KCNJ6: variants seen among roughly 807,000 people sequenced by gnomAD.
KCNJ6 encodes G protein-activated inward rectifier potassium channel 2.
A neutral mutation model predicts 34.2 loss-of-function variants in KCNJ6; 9 were observed. The ratio of observed to expected loss-of-function variants is 0.26; its 90% CI spans 0.16 to 0.46. The LOEUF (loss-of-function observed/expected upper bound fraction) is 0.46, where lower values mean the gene tolerates loss of function less well. Ranked by LOEUF, KCNJ6 falls within the 20% of genes least tolerant of loss-of-function variation. The pLI, the probability that KCNJ6 is intolerant of heterozygous loss-of-function variation, is 1.00. For synonymous variants in KCNJ6, 196 were observed against 207.1 expected (o/e 0.95, Z 0.46); for missense variants, 236 against 531.3 (o/e 0.44, Z 5.46).
At chr21:37,811,637 C>G (rs2055323147) in intron 2 of KCNJ6, among the ~76,000 whole-genome samples, 1 of 152,080 alleles carries the variant, frequency 6.6e-6, no homozygotes, top group Non-Finnish European at 1.5e-5. Context: ...TTGTCTTGTT[C>G]ATACTAATTA....
At chr21:37,903,786 G>A (rs2123647771) in intron 1 of KCNJ6, among the ~76,000 whole-genome samples, 2 of 152,100 alleles carry the variant, frequency 1.3e-5, no homozygotes, top group East Asian at 3.9e-4. Context: ...TTCTTTACCT[G>A]AAGAAAGAAA....
At chr21:37,730,215 A>C (rs1466577760) in intron 2 of KCNJ6, among the ~76,000 whole-genome samples, 1 of 152,246 alleles carries the variant, frequency 6.6e-6, no homozygotes, top group Non-Finnish European at 1.5e-5. Context: ...AGGGACCCGC[A>C]GCCTTAAGTC....
In KCNJ6 at chr21:37,607,482, A is replaced by ATATATATATATT; in HGVS notation, c.*17676_*17677insAATATATATATA. On this transcript the variant is annotated 3_prime_UTR_variant, in exon 4 of 4. Transcript: ENST00000609713. ...CTTAAAGATATATATATATATATAT[A>ATATATATATATT]TTTTTTTTTTATTTTAAAAAAATTT... The ATATATATATATT allele has an allele frequency of 0.011, 1,457 of 136,594 alleles. 14 individuals are homozygous for ATATATATATATT. The highest frequency in any genetic ancestry group is 0.03 in the Admixed American group (406 of 13,394). 8.5% of individuals were successfully genotyped at this position (136,594 alleles called of 1,614,324 possible).
At chr21:37,828,974 C>T (rs564801584) in intron 2 of KCNJ6, among the ~76,000 whole-genome samples, 1 of 152,246 alleles carries the variant, frequency 6.6e-6, no homozygotes, top group Non-Finnish European at 1.5e-5. Context: ...TGTTTGCTCT[C>T]TGAGGGTGCA....
At chr21:37,848,972 G>A (rs2055524073) in intron 1 of KCNJ6, among the ~76,000 whole-genome samples, 1 of 152,174 alleles carries the variant, frequency 6.6e-6, no homozygotes, top group African/African-American at 2.4e-5. Context: ...ATTGGTGAGT[G>A]ACTCATTTCT....
At chr21:37,859,184 T>C (rs1051910990) in intron 1 of KCNJ6, among the ~76,000 whole-genome samples, 2 of 151,966 alleles carry the variant, frequency 1.3e-5, no homozygotes, top group African/African-American at 2.4e-5. Flanking sequence ...AATATAGCAA[T>C]AGGTAATTAC....
intron 2 of KCNJ6, among the ~76,000 whole-genome samples, chr21:37,748,147 A>G (rs2054977108): frequency 1.3e-5 from 2 of 152,328 alleles, no homozygotes; most frequent in South Asian, 4.1e-4. Context: ...AACCCCAGGT[A>G]CGGGTGGTGT....
At chr21:37,720,054 A>G (rs1418611396) in intron 2 of KCNJ6, among the ~76,000 whole-genome samples, 1 of 152,068 alleles carries the variant, frequency 6.6e-6, no homozygotes, top group African/African-American at 2.4e-5. Context: ...AAAGTCAAAG[A>G]TTGGAAGGAA....
intron 2 of KCNJ6, among the ~76,000 whole-genome samples, chr21:37,790,553 T>A (rs115295200): frequency 6.6e-6 from 1 of 152,172 alleles, no homozygotes; most frequent in East Asian, 1.9e-4. Context: ...TAACCTTGCT[T>A]AAAGTTTCAC....
At chr21:37,720,702 CTTTTT>C (rs3061017) in intron 2 of KCNJ6, among the ~76,000 whole-genome samples, 1 of 129,530 alleles carries the variant, frequency 7.7e-6, no homozygotes. Context: ...ATTTTCTTTT[CTTTTT>C]TTTTTTTTTT....
intron 1 of KCNJ6, among the ~76,000 whole-genome samples, chr21:37,842,775 C>T (rs984234011): frequency 6.6e-6 from 1 of 152,220 alleles, no homozygotes; most frequent in African/African-American, 2.4e-5. Flanking sequence ...GGCTGCTCAA[C>T]AGCTGACCCC....
intron 2 of KCNJ6, among the ~76,000 whole-genome samples, chr21:37,817,693 T>C (rs1456501528): frequency 1.3e-5 from 2 of 152,202 alleles, no homozygotes. Context: ...GGTTCAGAAA[T>C]AACCGCGTGG....
In KCNJ6 at chr21:37,867,620, C is replaced by T. The variant is rs571534567; in HGVS notation, c.-27-26911G>A. On this transcript the variant is annotated intron_variant, in intron 1 of 3. Transcript: ENST00000609713. ...AAAACAACAATTGAAATGGGCCAAA[C>T]GGTAATAAAAGCGACAATAATAGAT... Among the ~76,000 whole-genome samples the T allele has an allele frequency of 5.1e-4, 78 of 152,190 alleles. 3 individuals are homozygous for T. In the South Asian group the frequency reaches 6.6e-3, roughly 13 times the overall value.
chr21:37,703,463 G>A lies in KCNJ6; in HGVS notation c.946+10748C>T, dbSNP rs943174184. On this transcript the variant is annotated intron_variant, in intron 3 of 3. Coordinates refer to ENST00000609713, the MANE Select transcript of KCNJ6 (RefSeq NM_002240.5). ...ATGAGACCAGGTTGCTATCTAAGGG[G>A]GAGATGGTGTTGAAAGACTGAAGAG... is the stretch of plus-strand genomic sequence containing the variant. 1.3e-5 allele frequency among the ~76,000 whole-genome samples: 2 copies of A among 152,166 alleles called. 1 individual carries two copies. The highest frequency in any genetic ancestry group is 2.9e-5 in the Non-Finnish European group (2 of 68,040).
intron 2 of KCNJ6, among the ~76,000 whole-genome samples, chr21:37,760,897 A>C (rs539391979): frequency 2.4e-4 from 36 of 152,228 alleles, no homozygotes; most frequent in African/African-American, 8.2e-4. Flanking sequence ...GGCCTGGGTC[A>C]AGAGGGGAGG....
intron 2 of KCNJ6, among the ~76,000 whole-genome samples, chr21:37,796,311 A>C (rs2055241755): frequency 6.6e-6 from 1 of 152,120 alleles, no homozygotes; most frequent in African/African-American, 2.4e-5. Context: ...GCGAAATTAG[A>C]GTGATATTAA....
chr21:37,726,496 C>A (rs1230127612), intron 2 of KCNJ6, among the ~76,000 whole-genome samples: 2 of 152,116 alleles, frequency 1.3e-5, no homozygotes, highest in South Asian at 2.1e-4. Context: ...ATTGACCTGG[C>A]AAATTGTCCA....
intron 2 of KCNJ6, chr21:37,719,284 G>A (rs1367838304): frequency 6.6e-6 from 1 of 152,476 alleles, no homozygotes; most frequent in Non-Finnish European, 1.5e-5. Flanking sequence ...GATGTTGCAG[G>A]GTAAATATAG....
At chr21:37,728,274 A>G (rs573166776) in intron 2 of KCNJ6, among the ~76,000 whole-genome samples, 58 of 152,354 alleles carry the variant, frequency 3.8e-4, no homozygotes, top group African/African-American at 1.4e-3. Flanking sequence ...GAGACAAAGC[A>G]GAATGGTGAT....
Sources: gnomAD v4.1 joint callset for allele counts (sites outside exome capture counted in the v4.1 genomes callset) on GRCh38, gnomAD v4.1.1 for gene constraint, MANE v1.5 for transcripts, NCBI Gene and HGNC (gene_info 2026-07-23, HGNC 2026-07-21) for gene names.